CPLANE1: variants seen among roughly 807,000 people sequenced by gnomAD.
The protein encoded by CPLANE1 is ciliogenesis and planar polarity effector complex subunit 1, also known as ciliogenesis and planar polarity effector 1.
Under a neutral mutation model 362.5 loss-of-function variants are expected in CPLANE1, and 263 were observed. The ratio of observed to expected loss-of-function variants is 0.73; its 90% CI spans 0.66 to 0.80. The LOEUF is 0.80. CPLANE1 is among the 30% of genes least tolerant of loss of function. The pLI is 0.00. For missense variants in CPLANE1, 3,461 were observed against 3,793.4 expected, an observed-to-expected ratio of 0.91 and a Z score of 2.30; for synonymous variants, 1,212 against 1,302.6, an observed-to-expected ratio of 0.93 and a Z score of 1.50.
At chr5:37,240,592 G>A (rs1800165032) in intron 6 of CPLANE1, among the ~76,000 whole-genome samples, 1 of 152,138 alleles carries the variant, frequency 6.6e-6, no homozygotes, top group Admixed American at 6.6e-5. Context: ...ACTCATTACT[G>A]TAAGCAGAAC....
rs971441613 is a variant in CPLANE1 at position 37,107,217 on chromosome 5, T to C, written c.*385A>G. 26 of 993,008 alleles carry C rather than the reference T, an allele frequency of 2.6e-5. No homozygotes were observed. Among genetic ancestry groups the C allele is most frequent in the Non-Finnish European group, 2.8e-5 (23 of 835,258 alleles). The allele number at this position is 993,008 out of a possible 1,614,324, so 61.5% of individuals were successfully genotyped here. On this transcript the variant is annotated 3_prime_UTR_variant, in exon 53 of 53. Transcript: ENST00000651892. Reference sequence around the variant, plus strand: ...TTCTTCTCAATGAAAAGATTTTTTTTTTTCCTATTAGATTCATCTGTATAT... The same window carrying C: ...TTCTTCTCAATGAAAAGATTTTTTTCTTTCCTATTAGATTCATCTGTATAT...
the CPLANE1 span, chr5:37,085,721 C>T: frequency 5.9e-5 from 74 of 1,259,712 alleles, 1 homozygote; most frequent in South Asian, 8.0e-4. Context: ...CTTTGCTACT[C>T]GACTTTCCAA....
intron 51 of CPLANE1, among the ~76,000 whole-genome samples, chr5:37,110,644 C>T (rs140862056): frequency 2.0e-3 from 308 of 152,008 alleles, no homozygotes; most frequent in Non-Finnish European, 2.2e-3. Context: ...AGTAGGAACT[C>T]AATGGGCAGT....
rs565528290 is a variant in CPLANE1, at chr5:37,114,361, T to G, written c.9400+599A>C. On this transcript the variant is annotated intron_variant, in intron 51 of 52. Transcript: ENST00000651892. ...TGTTCTCATAGTAAGACATGGATAA[T>G]AGTTACCCTGTTTACCTACCAAGGT... is the stretch of plus-strand genomic sequence containing the variant. Among the ~76,000 whole-genome samples the G allele has an allele frequency of 2.6e-5, 4 of 152,316 alleles. No homozygotes were observed. The South Asian group carries it at 8.3e-4, about 32-fold the overall frequency.
At chr5:37,147,825 T>C (rs2150512118) in intron 43 of CPLANE1, among the ~76,000 whole-genome samples, 1 of 151,924 alleles carries the variant, frequency 6.6e-6, no homozygotes, top group East Asian at 1.9e-4. Context: ...GCTCAGCTGA[T>C]GATCACAGAC....
rs553545411 is a variant in CPLANE1, at chr5:37,141,888, T to C, written c.8632+422A>G. 206 of 726,306 alleles carry C rather than the reference T, an allele frequency of 2.8e-4. 1 individual carries two copies. In the South Asian group the frequency reaches 0.012, roughly 41 times the overall value. 45.0% of individuals were successfully genotyped at this position (726,306 alleles called of 1,614,324 possible). A position where few individuals can be genotyped will look rare whatever the true frequency, so the allele number is the denominator to read the frequency against. ...AGATAATAATAGTGTCTACACCTCA[T>C]AGATCAGGCTTAAACCAGAATCTAT... On this transcript the variant is annotated intron_variant, in intron 44 of 52. Transcript: ENST00000651892.
chr5:37,216,060 C>G (rs1340248873), intron 15 of CPLANE1, among the ~76,000 whole-genome samples: 1 of 152,064 alleles, frequency 6.6e-6, no homozygotes, highest in Non-Finnish European at 1.5e-5. Flanking sequence ...TGGTCTTGAA[C>G]TCCTGAGCTC....
chr5:37,120,091 C>T, intron 50 of CPLANE1, 125 bp downstream of exon 50: 1 of 941,970 alleles, frequency 1.1e-6, no homozygotes, highest in South Asian at 1.7e-5. Flanking sequence ...CAATGCCTCG[C>T]CTTCTGTTCA....
intron 21 of CPLANE1, among the ~76,000 whole-genome samples, chr5:37,192,220 G>A (rs1043521853): frequency 6.6e-6 from 1 of 152,190 alleles, no homozygotes; most frequent in Non-Finnish European, 1.5e-5. Flanking sequence ...CAGTACTGCA[G>A]TATTCAATAT....
rs1775558025 is a variant in CPLANE1, at chr5:37,157,769, G to C, written c.7912C>G (p.Gln2638Glu). 1 of 1,613,584 alleles carries C rather than the reference G, an allele frequency of 6.2e-7. No homozygotes were observed. The highest frequency in any genetic ancestry group is 8.5e-7 in the Non-Finnish European group (1 of 1,179,778). Residue 2638 changes from glutamine to glutamate, a missense_variant, in exon 40 of 53, where the codon CAG (glutamine) becomes GAG (glutamate). Coordinates refer to ENST00000651892, the MANE Select transcript of CPLANE1 (RefSeq NM_001384732.1). ...EEPSNDNVIKQQSDHLAVPSS... is the reference protein window; with the variant it reads ...EEPSNDNVIKEQSDHLAVPSS... ...GGAACTGCTAGATGATCGCTTTGCT[G>C]TTTGATAACATTATCATTTGAAGGC...
intron 30 of CPLANE1, among the ~76,000 whole-genome samples, chr5:37,177,370 T>C (rs1273369961): frequency 6.6e-6 from 1 of 152,252 alleles, no homozygotes; most frequent in East Asian, 1.9e-4. Context: ...TTTACAGCTT[T>C]ATTTTGATAA....
intron 21 of CPLANE1, among the ~76,000 whole-genome samples, chr5:37,191,532 A>G (rs1233280868): frequency 1.1e-4 from 16 of 152,138 alleles, no homozygotes; most frequent in African/African-American, 3.6e-4. Flanking sequence ...TTAACCAGGT[A>G]TGGTGGTACA....
intron 5 of CPLANE1, 28 bp from the exon 6 acceptor site, chr5:37,243,147 A>G (rs1409375982): frequency 3.1e-6 from 4 of 1,278,736 alleles, no homozygotes; most frequent in Middle Eastern, 2.1e-4. Context: ...ATACTTTAGT[A>G]TAAAATTAAT....
chr5:37,194,598 GAC>G (rs919434327), intron 21 of CPLANE1, among the ~76,000 whole-genome samples: 2 of 151,372 alleles, frequency 1.3e-5, no homozygotes, highest in African/African-American at 4.9e-5. Context: ...TGGAAAAACA[GAC>G]AATCTGAGCC....
chr5:37,106,600 T>G lies in CPLANE1; in HGVS notation c.*1002A>C, dbSNP rs768028409. On this transcript the variant is annotated 3_prime_UTR_variant, in exon 53 of 53. Coordinates refer to ENST00000651892, the MANE Select transcript of CPLANE1 (RefSeq NM_001384732.1). ...CTATAAAGCTATTTTCTAAAACAAT[T>G]TGGTAAGGAGAGTAGCATTGTTTTA... 4.7e-6 allele frequency: 2 copies of G among 424,662 alleles called. No individual in the cohort carries two copies. The highest frequency in any genetic ancestry group is 6.3e-6 in the Non-Finnish European group (2 of 317,516). The allele number at this position is 424,662 out of a possible 1,614,324, so 26.3% of individuals were successfully genotyped here.
chr5:37,087,604 C>T, the CPLANE1 span, among the ~76,000 whole-genome samples: 1 of 152,118 alleles, frequency 6.6e-6, no homozygotes, highest in Non-Finnish European at 1.5e-5. Context: ...CTACAGGCGC[C>T]CACCACCACG....
intron 51 of CPLANE1, among the ~76,000 whole-genome samples, chr5:37,111,852 C>A (rs1005870428): frequency 6.6e-6 from 1 of 151,196 alleles, no homozygotes; most frequent in Non-Finnish European, 1.5e-5. Context: ...AAAAAATCTA[C>A]GAGCAGATGA....
chr5:37,164,647 A>G (rs1369246504), intron 36 of CPLANE1, among the ~76,000 whole-genome samples: 1 of 152,186 alleles, frequency 6.6e-6, no homozygotes, highest in East Asian at 1.9e-4. Context: ...TCTTTCATGG[A>G]CTCAACAAAC....
chr5:37,194,657 C>CTT (rs575103511), intron 21 of CPLANE1, among the ~76,000 whole-genome samples: 15 of 135,146 alleles, frequency 1.1e-4, no homozygotes, highest in Admixed American at 2.3e-4. Flanking sequence ...TAAGAATAAA[C>CTT]TTTTTTTTTT....
Sources: allele counts gnomAD v4.1 joint callset (sites outside exome capture counted in the v4.1 genomes callset), GRCh38; gene constraint gnomAD v4.1.1; transcripts MANE v1.5; gene names NCBI Gene and HGNC (gene_info 2026-07-23, HGNC 2026-07-21).